The following SYTL4 variants were observed in gnomAD, a reference collection of about 807,000 sequenced individuals.
SYTL4 encodes the protein synaptotagmin-like protein 4.
SYTL4 carries 16 observed loss-of-function variants against 52.7 expected under a neutral mutation model. That is an observed-to-expected ratio of 0.30 (90% CI 0.21 to 0.46). SYTL4 has a LOEUF of 0.46. Ranked by LOEUF, SYTL4 falls within the 20% of genes least tolerant of loss-of-function variation. SYTL4 has a pLI of 1.00. For missense variants in SYTL4, 423 were observed against 519.9 expected, an observed-to-expected ratio of 0.81 and a Z score of 1.81; for synonymous variants, 160 against 186.6, an observed-to-expected ratio of 0.86 and a Z score of 1.16.
intron 8 of SYTL4, among the ~76,000 whole-genome samples, chrX:100,699,420 A>G (rs188265408): frequency 4.6e-5 from 5 of 108,163 alleles, no homozygotes; most frequent in East Asian, 2.9e-4. Flanking sequence ...GAAAAGAAAA[A>G]AAAAGAAAAG....
chrX:100,680,476 C>T lies in SYTL4; in HGVS notation c.1558+751G>A, dbSNP rs138679772. ...ACTCTTTATCATTAAGTTCAAGGCC[C>T]TCTTCAGTCAGGCTCCCACCTCATG... On this transcript the variant is annotated intron_variant, in intron 17 of 19. Transcript: ENST00000372989. Among the ~76,000 whole-genome samples, 438 of 110,695 alleles carry T rather than the reference C, an allele frequency of 4.0e-3. 1 individual carries two copies. Among genetic ancestry groups the T allele is most frequent in the Non-Finnish European group, 6.3e-3 (334 of 52,968 alleles).
intron 2 of SYTL4, among the ~76,000 whole-genome samples, chrX:100,720,242 G>A (rs1408957815): frequency 2.7e-5 from 3 of 111,718 alleles, no homozygotes; most frequent in African/African-American, 9.8e-5. Context: ...GGTGCAGGAT[G>A]GCCAGTTTAC....
At chrX:100,694,688 G>A (rs2083668791) in intron 8 of SYTL4, among the ~76,000 whole-genome samples, 1 of 111,822 alleles carries the variant, frequency 8.9e-6, no homozygotes, top group Non-Finnish European at 1.9e-5. Context: ...AAGAGGCCTT[G>A]TATTCACCAG....
chrX:100,729,507 G>A (rs1262922063), intron 2 of SYTL4, among the ~76,000 whole-genome samples: 1 of 111,344 alleles, frequency 9.0e-6, no homozygotes, highest in Admixed American at 9.6e-5. Context: ...GGTATTTCAA[G>A]TGCCTCAGGA....
intron 16 of SYTL4, chrX:100,685,517 C>T (rs1282636767): frequency 8.9e-6 from 1 of 112,871 alleles, no homozygotes; most frequent in African/African-American, 3.3e-5. Flanking sequence ...TGCCATACTG[C>T]TACACTGTGG....
At chrX:100,676,396 G>A (rs113116355) in intron 19 of SYTL4, among the ~76,000 whole-genome samples, 45 of 112,046 alleles carry the variant, frequency 4.0e-4, no homozygotes, top group African/African-American at 1.4e-3. Context: ...ACAGTCACTA[G>A]AGACTTCTTA....
intron 2 of SYTL4, among the ~76,000 whole-genome samples, chrX:100,710,260 G>C: frequency 1.8e-5 from 2 of 111,914 alleles, no homozygotes. Context: ...AAGTGAACCA[G>C]AGTCTTTCAA....
chrX:100,688,225 T>C (rs1263519771), intron 13 of SYTL4, 126 bp downstream of exon 13: 3 of 532,885 alleles, frequency 5.6e-6, no homozygotes, highest in Admixed American at 5.9e-5. Context: ...AACAAACAAA[T>C]GATCTTACTT....
intron 2 of SYTL4, among the ~76,000 whole-genome samples, chrX:100,726,525 T>G (rs1403047176): frequency 9.1e-6 from 1 of 109,314 alleles, no homozygotes. Flanking sequence ...ATCCTCTTGT[T>G]TCAATGGAAG....
intron 12 of SYTL4, 122 bp from the exon 13 acceptor site, chrX:100,688,565 T>TC: frequency 5.2e-6 from 1 of 192,522 alleles, no homozygotes; most frequent in Non-Finnish European, 7.3e-6. Context: ...ACATACTTCT[T>TC]TTTTTTTTTT....
At chrX:100,689,707 A>G (rs2083554196) in intron 12 of SYTL4, 149 bp downstream of exon 12, 1 of 357,401 alleles carries the variant, frequency 2.8e-6, no homozygotes, top group East Asian at 4.5e-5. Context: ...ATCAGGAACC[A>G]GATTTACTTT....
intron 16 of SYTL4, 79 bp downstream of exon 16, chrX:100,685,911 T>C (rs2083464386): frequency 9.9e-7 from 1 of 1,013,547 alleles, no homozygotes; most frequent in Admixed American, 3.4e-5. Context: ...TCAAAGACGC[T>C]ACCAACATAG....
Position 100,677,674 on chromosome X carries a change from G to A in SYTL4, c.1867+717C>T, listed in dbSNP as rs1195725863. 4.5e-5 allele frequency among the ~76,000 whole-genome samples: 5 copies of A among 111,732 alleles called. No homozygotes were observed. The Admixed American group carries it at 4.8e-4, about 11-fold the overall frequency. On this transcript the variant is annotated intron_variant, in intron 19 of 19. Transcript: ENST00000372989. ...TGACTTAAAAGGGAATCAGAATGCA[G>A]TGTCAATAGAAGTTCAGCGTTTCAA...
chrX:100,718,793 T>C (rs1459170900), intron 2 of SYTL4, among the ~76,000 whole-genome samples: 4 of 95,845 alleles, frequency 4.2e-5, no homozygotes, highest in African/African-American at 1.4e-4. Flanking sequence ...TTTGTGCTTT[T>C]CACTCCTTTT....
chrX:100,714,209 C>T (rs778599600), intron 2 of SYTL4, among the ~76,000 whole-genome samples: 22 of 111,105 alleles, frequency 2.0e-4, no homozygotes, highest in African/African-American at 5.9e-4. Flanking sequence ...AGAATACCTA[C>T]AAGACACTAG....
chrX:100,677,187 G>C (rs2083292827), intron 19 of SYTL4, among the ~76,000 whole-genome samples: 1 of 112,166 alleles, frequency 8.9e-6, no homozygotes, highest in Non-Finnish European at 1.9e-5. Context: ...GGATAAGAAA[G>C]AACCAGACTT....
intron 2 of SYTL4, among the ~76,000 whole-genome samples, chrX:100,722,438 A>G (rs1247874006): frequency 9.0e-6 from 1 of 111,627 alleles, no homozygotes; most frequent in East Asian, 2.8e-4. Context: ...CCCCTGCTCT[A>G]AGAGGTTGGC....
chrX:100,699,482 C>CATTTTTTT (rs1313181387), intron 8 of SYTL4, among the ~76,000 whole-genome samples: 3 of 59,892 alleles, frequency 5.0e-5, no homozygotes, highest in Admixed American at 2.1e-4. Context: ...CAGCATTACT[C>CATTTTTTT]TTTTTTTTTT....
intron 2 of SYTL4, among the ~76,000 whole-genome samples, chrX:100,708,603 G>C (rs1602867659): frequency 8.9e-6 from 1 of 112,281 alleles, no homozygotes. Context: ...AAATTCTAAA[G>C]ACCAATTTTA....
Sources: gnomAD v4.1 joint callset for allele counts (sites outside exome capture counted in the v4.1 genomes callset) on GRCh38, gnomAD v4.1.1 for gene constraint, MANE v1.5 for transcripts, NCBI Gene and HGNC (gene_info 2026-07-23, HGNC 2026-07-21) for gene names.